The following TNIP2 variants were observed in gnomAD, a reference collection of about 807,000 sequenced individuals.
TNIP2 encodes TNFAIP3-interacting protein 2.
A neutral mutation model predicts 43.7 loss-of-function variants in TNIP2; 30 were observed. The observed-to-expected ratio is 0.69, with a 90% CI of 0.51 to 0.93. TNIP2 has a LOEUF of 0.93. Ranked by LOEUF, TNIP2 falls within the 40% of genes least tolerant of loss-of-function variation. TNIP2 has a pLI of 0.00. For missense variants in TNIP2, 599 were observed against 591.0 expected (o/e 1.01, Z -0.14); for synonymous variants, 260 against 254.6 (o/e 1.02, Z -0.20).
Position 2,742,305 on chromosome 4 carries a change from G to A in TNIP2, c.1242C>T (p.Asp414=), listed in dbSNP as rs367876865. The A allele has an allele frequency of 1.5e-5, 23 of 1,528,608 alleles. 1 individual carries two copies. The highest frequency in any genetic ancestry group is 4.7e-4 in the Middle Eastern group (2 of 4,286). The allele number at this position is 1,528,608 out of a possible 1,614,324, so 94.7% of individuals were successfully genotyped here. The change falls in exon 6 of 6, where the codon GAC becomes GAT. Residue 414 remains aspartate, a synonymous_variant. Transcript: ENST00000315423. ...QCPHCLQCFS[D]EQGEELLRHV... ...GCCTGAGGAGCTCTTCCCCTTGCTCGTCACTGAAGCACTGCAGGCAGTGAG... is the reference window on the plus strand; with the variant it reads ...GCCTGAGGAGCTCTTCCCCTTGCTCATCACTGAAGCACTGCAGGCAGTGAG...
intron 1 of TNIP2, among the ~76,000 whole-genome samples, chr4:2,754,140 A>G (rs1722167368): frequency 6.6e-6 from 1 of 152,202 alleles, no homozygotes; most frequent in South Asian, 2.1e-4. Context: ...TTTCTCTCTA[A>G]AATCAGGCTG....
Position 2,742,445 on chromosome 4 carries a change from C to A in TNIP2, c.1102G>T (p.Glu368Ter). The A allele has an allele frequency of 1.9e-6, 3 of 1,612,016 alleles. No individual in the cohort carries two copies. Among genetic ancestry groups the A allele is most frequent in the Non-Finnish European group, 2.5e-6 (3 of 1,178,746 alleles). ...CTCCAGCCACCAGGCACCATAAGCT[C>A]TAATGCGTCGGCGGCCAAATACTTG... ...TAKYLAADAL[E>*]LMVPGGWRPG... The change falls in exon 6 of 6, where the codon GAG becomes TAG. Residue 368 changes from glutamate (E) to a stop codon, truncating the protein, a stop_gained. Coordinates refer to ENST00000315423, the MANE Select transcript of TNIP2 (RefSeq NM_024309.4). LOFTEE classifies it low-confidence loss of function (END_TRUNC).
rs1577304615 is a variant in TNIP2 at position 2,741,945 on chromosome 4, G to T, written c.*312C>A. 3.9e-6 allele frequency: 1 copy of T among 254,696 alleles called. No homozygotes were observed. Among genetic ancestry groups the T allele is most frequent in the East Asian group, 6.8e-5 (1 of 14,680 alleles). The allele number at this position is 254,696 out of a possible 1,614,324, so 15.8% of individuals were successfully genotyped here. Reference sequence around the variant, plus strand: ...GCAGCCACCCCTTTCTAGGCAGGCTGGGGGAGGGGCTGGCACACCAGCACC... The same window carrying T: ...GCAGCCACCCCTTTCTAGGCAGGCTTGGGGAGGGGCTGGCACACCAGCACC... On this transcript the variant is annotated 3_prime_UTR_variant, in exon 6 of 6. Transcript: ENST00000315423.
intron 1 of TNIP2, among the ~76,000 whole-genome samples, chr4:2,755,275 TACACAATAC>T (rs1722200798): frequency 6.6e-6 from 1 of 150,738 alleles, no homozygotes; most frequent in African/African-American, 2.5e-5. Context: ...ACATACACAC[TACACAATAC>T]ACACAGAATA....
intron 3 of TNIP2, 64 bp from the exon 4 acceptor site, chr4:2,745,009 CCA>C (rs1721907652): frequency 1.3e-6 from 2 of 1,542,066 alleles, no homozygotes; most frequent in Non-Finnish European, 1.7e-6. Context: ...AAGCCAGCAC[CCA>C]GTGTGAATTA....
intron 2 of TNIP2, 50 bp from the exon 3 acceptor site, chr4:2,745,585 G>C (rs1256300175): frequency 5.1e-6 from 7 of 1,374,440 alleles, no homozygotes; most frequent in Non-Finnish European, 6.2e-6. Flanking sequence ...TACAGCAAGA[G>C]GGGAGAAAGC....
At chr4:2,750,067 T>C (rs1307519873) in intron 1 of TNIP2, among the ~76,000 whole-genome samples, 1 of 152,182 alleles carries the variant, frequency 6.6e-6, no homozygotes, top group East Asian at 1.9e-4. Flanking sequence ...CCTCCCAAAG[T>C]GCTGGGATTA....
chr4:2,747,628 C>G, intron 2 of TNIP2, 27 bp downstream of exon 2: 1 of 1,579,904 alleles, frequency 6.3e-7, no homozygotes, highest in Non-Finnish European at 8.6e-7. Flanking sequence ...GAGGTCTTCC[C>G]CACACTCTGC....
At position 2,742,444 on chromosome 4, in the gene TNIP2, T is replaced by A; in HGVS notation, c.1103A>T (p.Glu368Val). The change falls in exon 6 of 6, where the codon GAG becomes GTG. Residue 368 changes from glutamate to valine, a missense_variant. By Grantham distance (121) the Glu-to-Val change is moderately radical. Coordinates refer to ENST00000315423, the MANE Select transcript of TNIP2 (RefSeq NM_024309.4). ...CCTCCAGCCACCAGGCACCATAAGCTCTAATGCGTCGGCGGCCAAATACTT... is the reference window on the plus strand; with the variant it reads ...CCTCCAGCCACCAGGCACCATAAGCACTAATGCGTCGGCGGCCAAATACTT... ...TAKYLAADALELMVPGGWRPG... is the reference protein window; with the variant it reads ...TAKYLAADALVLMVPGGWRPG... The A allele has an allele frequency of 1.9e-6, 3 of 1,611,698 alleles. No homozygotes were observed. Among genetic ancestry groups the A allele is most frequent in the Non-Finnish European group, 2.5e-6 (3 of 1,178,566 alleles).
At chr4:2,752,277 T>C (rs1722124529) in intron 1 of TNIP2, among the ~76,000 whole-genome samples, 1 of 151,946 alleles carries the variant, frequency 6.6e-6, no homozygotes, top group East Asian at 1.9e-4. Flanking sequence ...GGTGACAGGA[T>C]GGGGTTGGGC....
At position 2,747,829 on chromosome 4, in the gene TNIP2, T is replaced by G. The variant is rs775954701; in HGVS notation, c.393A>C (p.Ala131=). ...KEVVLLRRSM[A]EGERARAASD... The stretch of plus-strand genomic sequence containing the variant: ...TGGCGGCCCGGGCGCGCTCCCCTTC[T>G]GCCATGCTCCTCCGTAGCAGGACGA... Residue 131 remains alanine (A), a synonymous_variant, in exon 2 of 6, where the codon GCA becomes GCC. Transcript: ENST00000315423. The G allele has an allele frequency of 6.2e-6, 10 of 1,613,510 alleles. No homozygotes were observed. The highest frequency in any genetic ancestry group is 6.8e-6 in the Non-Finnish European group (8 of 1,180,030).
chr4:2,756,325 G>T lies in TNIP2; in HGVS notation c.-36C>A. The T allele has an allele frequency of 8.5e-7, 1 of 1,171,920 alleles. No individual in the cohort carries two copies. The highest frequency in any genetic ancestry group is 4.0e-5 in the South Asian group (1 of 25,034). The allele number at this position is 1,171,920 out of a possible 1,614,324, so 72.6% of individuals were successfully genotyped here. A position where few individuals can be genotyped will look rare whatever the true frequency, so the allele number is the denominator to read the frequency against. ...CCGCCCGGGAGGCCGCGCGGCCGCC[G>T]GCAACTTCCGCGCCCGGGCCCCGCC... On this transcript the variant is annotated 5_prime_UTR_variant, in exon 1 of 6. Transcript: ENST00000315423.
Position 2,744,323 on chromosome 4 carries a change from T to A in TNIP2, c.1026+64A>T. The stretch of plus-strand genomic sequence containing the variant: ...CTTGGCAGACACAGAAAGGCTCTAA[T>A]CTCATGAGAAGAGAAACAAAAACAC... On this transcript the variant is annotated intron_variant, in intron 5 of 5. Transcript: ENST00000315423. This position sits in a 1 kb window ranked among gnomAD's most constrained non-coding sequence, Gnocchi z 5.1. 1.2e-6 allele frequency: 2 copies of A among 1,604,930 alleles called. No individual in the cohort carries two copies. The highest frequency in any genetic ancestry group is 2.2e-5 in the South Asian group (2 of 90,456).
intron 3 of TNIP2, 151 bp from the exon 4 acceptor site, chr4:2,745,096 G>C: frequency 9.7e-7 from 1 of 1,030,690 alleles, no homozygotes; most frequent in Non-Finnish European, 1.4e-6. Flanking sequence ...GTAGAGAGCA[G>C]ACACTAGGCC....
intron 2 of TNIP2, 29 bp from the exon 3 acceptor site, chr4:2,745,564 A>C: frequency 6.7e-7 from 1 of 1,492,882 alleles, no homozygotes; most frequent in Non-Finnish European, 9.3e-7. Flanking sequence ...GAGAGAAGAC[A>C]CTCTGTCACA....
chr4:2,749,976 A>G (rs947835502), intron 1 of TNIP2, among the ~76,000 whole-genome samples: 3 of 152,012 alleles, frequency 2.0e-5, no homozygotes, highest in African/African-American at 7.3e-5. Context: ...GTACCTGGCT[A>G]ATTTCTGTAT....
At chr4:2,750,303 T>C (rs1428093454) in intron 1 of TNIP2, among the ~76,000 whole-genome samples, 4 of 152,046 alleles carry the variant, frequency 2.6e-5, no homozygotes, top group Non-Finnish European at 5.9e-5. Context: ...CCTCTGTGTC[T>C]AGTACTTGAG....
intron 1 of TNIP2, among the ~76,000 whole-genome samples, chr4:2,748,607 C>T (rs2109486987): frequency 6.6e-6 from 1 of 152,334 alleles, no homozygotes; most frequent in East Asian, 1.9e-4. Context: ...ATCCGCCCAC[C>T]TCAGCCTCCC....
In TNIP2 at chr4:2,744,694, C is replaced by T. The variant is rs369491610; in HGVS notation, c.906+3G>A. The T allele has an allele frequency of 3.1e-6, 5 of 1,600,500 alleles. No individual in the cohort carries two copies. Among genetic ancestry groups the T allele is most frequent in the Admixed American group, 1.7e-5 (1 of 59,942 alleles). ...TGCCGTCCGGAGCCCGAGGGACAGA[C>T]ACCTGCTGTTCCAGCATCTGCACCC... On this transcript the variant is annotated splice_donor_region_variant and intron_variant, in intron 4 of 5. Transcript: ENST00000315423. This position sits in a 1 kb window ranked among gnomAD's most constrained non-coding sequence, Gnocchi z 5.1.
Sources: gnomAD v4.1 joint callset for allele counts (sites outside exome capture counted in the v4.1 genomes callset) on GRCh38, gnomAD v4.1.1 for gene constraint, Gnocchi (gnomAD v3.1) non-coding constraint, MANE v1.5 for transcripts, NCBI Gene and HGNC (gene_info 2026-07-23, HGNC 2026-07-21) for gene names.